CDC42BPA: variants seen among roughly 807,000 people sequenced by gnomAD.
CDC42BPA encodes CDC42 binding protein kinase alpha.
CDC42BPA carries 80 observed loss-of-function variants against 223.5 expected under a neutral mutation model. The ratio of observed to expected loss-of-function variants is 0.36; its 90% CI spans 0.30 to 0.43. The LOEUF is 0.43. Ranked by LOEUF, CDC42BPA falls within the 20% of genes least tolerant of loss-of-function variation. The pLI, the probability that CDC42BPA is intolerant of heterozygous loss-of-function variation, is 1.00. For missense variants in CDC42BPA, 1,743 were observed against 2,099.9 expected, an observed-to-expected ratio of 0.83 and a Z score of 3.32; for synonymous variants, 694 against 718.6, an observed-to-expected ratio of 0.97 and a Z score of 0.55.
chr1:227,181,950 A>G (rs1297750727), intron 5 of CDC42BPA, among the ~76,000 whole-genome samples: 4 of 152,204 alleles, frequency 2.6e-5, no homozygotes, highest in Non-Finnish European at 5.9e-5. Context: ...ACTAGCATCC[A>G]CAGGAAAAAC....
intron 4 of CDC42BPA, among the ~76,000 whole-genome samples, chr1:227,194,136 T>C (rs574416389): frequency 2.0e-5 from 3 of 152,290 alleles, no homozygotes; most frequent in African/African-American, 7.2e-5. Context: ...AACAAAATTT[T>C]TAAAGACTGG....
chr1:227,166,648 A>AT (rs1036814628), intron 5 of CDC42BPA, among the ~76,000 whole-genome samples: 1 of 152,196 alleles, frequency 6.6e-6, no homozygotes, highest in Non-Finnish European at 1.5e-5. Flanking sequence ...GCAAAGTATG[A>AT]TGTGAACTAA....
At chr1:227,173,304 C>T (rs1666408240) in intron 5 of CDC42BPA, among the ~76,000 whole-genome samples, 3 of 152,180 alleles carry the variant, frequency 2.0e-5, no homozygotes, top group Non-Finnish European at 2.9e-5. Flanking sequence ...ACGGAATTAT[C>T]TGTATAGTGA....
chr1:227,082,018 G>A (rs966945687), intron 16 of CDC42BPA, among the ~76,000 whole-genome samples: 1 of 151,962 alleles, frequency 6.6e-6, no homozygotes, highest in South Asian at 2.1e-4. Context: ...AGAAAACCCA[G>A]CTTAATGGCT....
intron 5 of CDC42BPA, among the ~76,000 whole-genome samples, chr1:227,169,225 C>A (rs1030963903): frequency 6.6e-6 from 1 of 152,018 alleles, no homozygotes; most frequent in Admixed American, 6.6e-5. Context: ...CTTAAAAATC[C>A]TAGTCTGCTA....
At chr1:227,315,348 T>C (rs1444588282) in intron 1 of CDC42BPA, among the ~76,000 whole-genome samples, 1 of 152,044 alleles carries the variant, frequency 6.6e-6, no homozygotes, top group African/African-American at 2.4e-5. Flanking sequence ...TCTCATAACA[T>C]AAAACTACTT....
At chr1:227,083,891 C>T (rs1022778950) in intron 16 of CDC42BPA, among the ~76,000 whole-genome samples, 1 of 152,172 alleles carries the variant, frequency 6.6e-6, no homozygotes, top group Non-Finnish European at 1.5e-5. Flanking sequence ...AGGCAATGCA[C>T]TTCCATTTTT....
chr1:227,316,882 G>A (rs959633014), intron 1 of CDC42BPA, 123 bp downstream of exon 1: 8 of 706,714 alleles, frequency 1.1e-5, no homozygotes, highest in African/African-American at 7.3e-5. Flanking sequence ...TGAATAACTA[G>A]TGTCTGTTTT....
chr1:227,020,939 A>T (rs1413105352), intron 32 of CDC42BPA, among the ~76,000 whole-genome samples: 4 of 152,166 alleles, frequency 2.6e-5, no homozygotes, highest in Admixed American at 6.5e-5. Flanking sequence ...TAATTGGGCT[A>T]TTTCACTATT....
intron 2 of CDC42BPA, among the ~76,000 whole-genome samples, chr1:227,214,067 G>T (rs1041494529): frequency 1.3e-5 from 2 of 152,126 alleles, no homozygotes; most frequent in South Asian, 2.1e-4. Flanking sequence ...GAACGAGGAT[G>T]TTTCCAGTTA....
chr1:227,154,419 A>C (rs1662347344), intron 6 of CDC42BPA, among the ~76,000 whole-genome samples: 1 of 152,000 alleles, frequency 6.6e-6, no homozygotes, highest in South Asian at 2.1e-4. Flanking sequence ...TTGTGAAGAA[A>C]CAAACCCAAA....
intron 1 of CDC42BPA, among the ~76,000 whole-genome samples, chr1:227,269,834 T>C (rs1053312410): frequency 1.3e-5 from 2 of 152,188 alleles, no homozygotes; most frequent in Non-Finnish European, 2.9e-5. Context: ...TAATACTCTG[T>C]TCCTAGGAAA....
intron 29 of CDC42BPA, 144 bp downstream of exon 29, chr1:227,030,264 T>C (rs1669024432): frequency 1.7e-6 from 1 of 596,578 alleles, no homozygotes; most frequent in Admixed American, 3.6e-5. Flanking sequence ...ATCTTTTAAT[T>C]TATAAACGTC....
intron 5 of CDC42BPA, among the ~76,000 whole-genome samples, chr1:227,179,650 A>AAAAAAAAAC: frequency 6.7e-6 from 1 of 149,738 alleles, no homozygotes; most frequent in Non-Finnish European, 1.5e-5. Flanking sequence ...AAAAAAAAAA[A>AAAAAAAAAC]AAAAAAAAAA....
At chr1:227,280,730 A>G (rs1384485016) in intron 1 of CDC42BPA, among the ~76,000 whole-genome samples, 3 of 152,126 alleles carry the variant, frequency 2.0e-5, no homozygotes, top group African/African-American at 7.2e-5. Context: ...ATCTTAATTG[A>G]CTCTCCGGTA....
chr1:227,248,495 A>G (rs6685106), intron 2 of CDC42BPA, among the ~76,000 whole-genome samples: 31,150 of 152,140 alleles, frequency 0.2, 3,279 homozygotes, highest in East Asian at 0.26. Context: ...AAGAAATGAA[A>G]AAAGTAATCC....
At chr1:227,040,345 A>G in intron 23 of CDC42BPA, 109 bp from the exon 24 acceptor site, 1 of 658,470 alleles carries the variant, frequency 1.5e-6, no homozygotes, top group East Asian at 2.7e-5. Flanking sequence ...TAGGAATAGA[A>G]TGAATTATTT....
rs752231516 is a variant in CDC42BPA, at chr1:227,029,160, C to A, written c.3929G>T (p.Arg1310Leu). The change falls in exon 30 of 37, where the codon CGT becomes CTT. Residue 1310 changes from arginine to leucine, a missense_variant. By Grantham distance (102) the Arg-to-Leu change is moderately radical. Transcript: ENST00000366766. ...TGACATAGGAAAAAGTCGTACATGA[C>A]GATTTCGTCCTGAGATCACAGCAAC... ...QLVAVISGRN[R>L]HVRLFPMSAL... 6.2e-7 allele frequency: 1 copy of A among 1,604,792 alleles called. No individual in the cohort carries two copies. Among genetic ancestry groups the A allele is most frequent in the Non-Finnish European group, 8.5e-7 (1 of 1,179,948 alleles).
At chr1:227,051,028 T>C (rs1020380365) in intron 22 of CDC42BPA, among the ~76,000 whole-genome samples, 9 of 152,168 alleles carry the variant, frequency 5.9e-5, no homozygotes, top group African/African-American at 2.2e-4. Context: ...CAATTATAAC[T>C]AAAAACACAA....
Sources: gnomAD v4.1 joint callset for allele counts (sites outside exome capture counted in the v4.1 genomes callset) on GRCh38, gnomAD v4.1.1 for gene constraint, MANE v1.5 for transcripts, NCBI Gene and HGNC (gene_info 2026-07-23, HGNC 2026-07-21) for gene names.